Variants in ZBTB7A observed in about 807,000 individuals in gnomAD.
The protein encoded by ZBTB7A is zinc finger and BTB domain-containing protein 7A.
ZBTB7A carries 7 observed loss-of-function variants against 26.7 expected under a neutral mutation model. The ratio of observed to expected loss-of-function variants is 0.26; its 90% confidence interval spans 0.15 to 0.49. ZBTB7A has a LOEUF of 0.49. Ranked by LOEUF, ZBTB7A falls within the 20% of genes least tolerant of loss-of-function variation. ZBTB7A has a pLI of 0.98. For synonymous variants in ZBTB7A, 452 were observed against 441.0 expected, an observed-to-expected ratio of 1.02 and a Z score of -0.31; for missense variants, 617 against 919.5, an observed-to-expected ratio of 0.67 and a Z score of 4.25.
intron 2 of ZBTB7A, among the ~76,000 whole-genome samples, chr19:4,050,821 G>A (rs74172617): frequency 0.029 from 4,481 of 152,076 alleles, 81 homozygotes; most frequent in Non-Finnish European, 0.044. Context: ...CTTGCTGGCC[G>A]GGCATGGTGG....
chr19:4,047,572 A>C lies in ZBTB7A; in HGVS notation c.*180T>G. 6 of 490,714 alleles carry C rather than the reference A, an allele frequency of 1.2e-5. No individual in the cohort carries two copies. Among genetic ancestry groups the C allele is most frequent in the African/African-American group, 2.0e-5 (1 of 48,908 alleles). The allele number at this position is 490,714 out of a possible 1,614,324, so 30.4% of individuals were successfully genotyped here. A position where few individuals can be genotyped will look rare whatever the true frequency, so the allele number is the denominator to read the frequency against. On this transcript the variant is annotated 3_prime_UTR_variant, in exon 3 of 3. Transcript: ENST00000322357. ...CGTCAGAAAGGAGGGAAATCTGAGA[A>C]AGCGCTACCCTAGATTCTGTGACGC...
chr19:4,050,113 C>T (rs531931637), intron 2 of ZBTB7A, among the ~76,000 whole-genome samples: 12 of 152,156 alleles, frequency 7.9e-5, no homozygotes, highest in African/African-American at 2.4e-4. Flanking sequence ...TTAGTAGAGA[C>T]GGGGTTTCAC....
chr19:4,055,273 G>A (rs1474543708), intron 1 of ZBTB7A, 26 bp from the exon 2 acceptor site: 2 of 1,445,176 alleles, frequency 1.4e-6, no homozygotes, highest in Admixed American at 2.7e-5. Context: ...AGGAGAGGGC[G>A]CTCGTGAGTG....
chr19:4,044,860 T>G lies in ZBTB7A; in HGVS notation c.*2892A>C, dbSNP rs930565679. On this transcript the variant is annotated 3_prime_UTR_variant, in exon 3 of 3. Coordinates refer to ENST00000322357, the MANE Select transcript of ZBTB7A (RefSeq NM_015898.4). ...TGTTTGTTTCCTGAAACGCGAGAATTCAGCAGGTATCTTTGGCAACACTTT... is the reference window on the plus strand; with the variant it reads ...TGTTTGTTTCCTGAAACGCGAGAATGCAGCAGGTATCTTTGGCAACACTTT... 2 of 151,796 alleles carry G rather than the reference T, an allele frequency of 1.3e-5. No homozygotes were observed. Among genetic ancestry groups the G allele is most frequent in the East Asian group, 3.9e-4 (2 of 5,178 alleles). The allele number at this position is 151,796 out of a possible 1,614,324, so 9.4% of individuals were successfully genotyped here. A position where few individuals can be genotyped will look rare whatever the true frequency, so the allele number is the denominator to read the frequency against.
intron 1 of ZBTB7A, among the ~76,000 whole-genome samples, chr19:4,066,358 A>G (rs1382066577): frequency 1.5e-5 from 2 of 136,972 alleles, no homozygotes; most frequent in East Asian, 2.4e-4. Flanking sequence ...CCCACCCTCA[A>G]TGCAGCCCTG....
intron 2 of ZBTB7A, among the ~76,000 whole-genome samples, chr19:4,049,560 A>G (rs1432828100): frequency 6.6e-6 from 1 of 152,056 alleles, no homozygotes; most frequent in Non-Finnish European, 1.5e-5. Flanking sequence ...GCGGCGGCCG[A>G]GGTGTTTGGT....
intron 1 of ZBTB7A, among the ~76,000 whole-genome samples, chr19:4,063,315 T>C (rs907777632): frequency 9.2e-5 from 14 of 152,202 alleles, no homozygotes; most frequent in African/African-American, 3.4e-4. Context: ...CGTGCCAGCA[T>C]TCCAACCCTT....
intron 1 of ZBTB7A, among the ~76,000 whole-genome samples, chr19:4,060,125 C>T (rs1044622712): frequency 1.3e-5 from 2 of 150,330 alleles, no homozygotes; most frequent in African/African-American, 2.5e-5. Flanking sequence ...GGTGCTGACT[C>T]GGCGGCCGAG....
In ZBTB7A at chr19:4,046,913, C is replaced by G. The variant is rs1371078624; in HGVS notation, c.*839G>C. ...GTTTTGAATCTCCAAACGTGGGGGT[C>G]TAGGTGGACCGGGCGGGGGTGGGGG... On this transcript the variant is annotated 3_prime_UTR_variant, in exon 3 of 3. Coordinates refer to ENST00000322357, the MANE Select transcript of ZBTB7A (RefSeq NM_015898.4). The G allele has an allele frequency of 1.1e-5, 1 of 91,520 alleles. No homozygotes were observed. The highest frequency in any genetic ancestry group is 4.2e-5 in the African/African-American group (1 of 23,652). 5.7% of individuals were successfully genotyped at this position (91,520 alleles called of 1,614,324 possible).
At chr19:4,061,256 C>G (rs1393414346) in intron 1 of ZBTB7A, among the ~76,000 whole-genome samples, 1 of 152,172 alleles carries the variant, frequency 6.6e-6, no homozygotes, top group Non-Finnish European at 1.5e-5. Context: ...GTGGTGGGGC[C>G]TGAGGAGGAA....
chr19:4,062,564 T>C (rs1262257625), intron 1 of ZBTB7A: 3 of 152,290 alleles, frequency 2.0e-5, no homozygotes, highest in African/African-American at 7.2e-5. Context: ...GCCGTCTGTC[T>C]GGCTCTGGCC....
At chr19:4,065,048 G>A (rs1212685074) in intron 1 of ZBTB7A, among the ~76,000 whole-genome samples, 1 of 151,746 alleles carries the variant, frequency 6.6e-6, no homozygotes, top group African/African-American at 2.4e-5. Context: ...GGCCGGGGGG[G>A]CTGGGTCTCC....
At chr19:4,055,656 A>C in intron 1 of ZBTB7A, 1 of 189,464 alleles carries the variant, frequency 5.3e-6, no homozygotes, top group Middle Eastern at 2.7e-3. Context: ...CCCCGTCTCT[A>C]CTAAAAAATA....
intron 1 of ZBTB7A, chr19:4,062,879 G>T (rs973544018): frequency 6.6e-6 from 1 of 152,116 alleles, no homozygotes; most frequent in African/African-American, 2.4e-5. Flanking sequence ...GAACCCTCGA[G>T]ACAACACTCT....
intron 1 of ZBTB7A, among the ~76,000 whole-genome samples, chr19:4,056,219 C>G (rs984052934): frequency 6.6e-6 from 1 of 152,000 alleles, no homozygotes; most frequent in East Asian, 1.9e-4. Flanking sequence ...CTGTCCTGCC[C>G]CCAGCCTCAA....
Position 4,060,236 on chromosome 19 carries a change from T to C in ZBTB7A, c.-15-4989A>G, listed in dbSNP as rs2040625400. 4.0e-5 allele frequency among the ~76,000 whole-genome samples: 6 copies of C among 151,670 alleles called. No homozygotes were observed. The South Asian group carries it at 1.2e-3, about 32-fold the overall frequency. On this transcript the variant is annotated intron_variant, in intron 1 of 2. Coordinates refer to ENST00000322357, the MANE Select transcript of ZBTB7A (RefSeq NM_015898.4). ...AGCCCAACCCTCCCAGGGTGGCGCA[T>C]AGTAGGGGCGCAGCAAACCGCCGGA...
At chr19:4,066,158 C>T (rs2040694143) in intron 1 of ZBTB7A, among the ~76,000 whole-genome samples, 1 of 129,972 alleles carries the variant, frequency 7.7e-6, no homozygotes, top group African/African-American at 2.8e-5. Context: ...CACCCCTTCC[C>T]CCTCCTTTCC....
intron 2 of ZBTB7A, among the ~76,000 whole-genome samples, chr19:4,049,211 T>TATATATATATATA (rs1265213875): frequency 0.025 from 1,052 of 42,826 alleles, 261 homozygotes; most frequent in East Asian, 0.04. Flanking sequence ...TATATATATG[T>TATATATATATATA]AAGTTTGAGA....
intron 1 of ZBTB7A, among the ~76,000 whole-genome samples, chr19:4,064,650 C>CG (rs949042897): frequency 2.0e-5 from 3 of 152,298 alleles, no homozygotes; most frequent in Non-Finnish European, 4.4e-5. Context: ...GAGGTTGGGG[C>CG]GGGGGGCACT....
Sources: allele counts gnomAD v4.1 joint callset (sites outside exome capture counted in the v4.1 genomes callset), GRCh38; gene constraint gnomAD v4.1.1; transcripts MANE v1.5; gene names NCBI Gene and HGNC (gene_info 2026-07-23, HGNC 2026-07-21).